NME6: variants seen among roughly 807,000 people sequenced by gnomAD.
The protein encoded by NME6 is NME/NM23 nucleoside diphosphate kinase 6, also known as nucleoside diphosphate kinase 6, mitochondrial.
A neutral mutation model predicts 22.2 loss-of-function variants in NME6; 16 were observed. The observed-to-expected ratio is 0.72, with a 90% CI of 0.49 to 1.09. The LOEUF is 1.09. Among genes scored for constraint, NME6 ranks in the 50% least tolerant of loss-of-function variants. The pLI is 0.00. For missense variants in NME6, 229 were observed against 239.0 expected (o/e 0.96, Z 0.28); for synonymous variants, 58 against 85.2 (o/e 0.68, Z 1.76).
chr3:48,288,053 T>C (rs1176366380), downstream of NME6, among the ~76,000 whole-genome samples: 1 of 152,042 alleles, frequency 6.6e-6, no homozygotes, highest in East Asian at 1.9e-4. Context: ...GACTATGACT[T>C]CAGAGTAAGA....
chr3:48,294,551 C>A lies in NME6; in HGVS notation c.*86G>T. On this transcript the variant is annotated 3_prime_UTR_variant, in exon 6 of 6. Transcript: ENST00000442597. ...TGCCCAGCAGAAATGGCACTGTAAG[C>A]CAGGCTTCCCTGGTCCTAGGAGAAT... The A allele has an allele frequency of 4.1e-6, 6 of 1,465,250 alleles. No homozygotes were observed. The highest frequency in any genetic ancestry group is 5.6e-6 in the Non-Finnish European group (6 of 1,069,844). 90.8% of individuals were successfully genotyped at this position (1,465,250 alleles called of 1,614,324 possible).
chr3:48,291,513 G>A (rs2034463392), downstream of NME6: 1 of 200,352 alleles, frequency 5.0e-6, no homozygotes, highest in Non-Finnish European at 1.0e-5. Flanking sequence ...CCAAGTAGCT[G>A]GGACACAAGC....
intron 1 of NME6, chr3:48,300,654 C>T (rs922432463): frequency 1.2e-5 from 3 of 251,320 alleles, no homozygotes; most frequent in African/African-American, 2.3e-5. Flanking sequence ...GGACATGGTT[C>T]CTTTACTAAC....
At chr3:48,289,533 A>G (rs1344902882), downstream of NME6, among the ~76,000 whole-genome samples, 2 of 152,084 alleles carry the variant, frequency 1.3e-5, no homozygotes, top group African/African-American at 4.8e-5. Flanking sequence ...CACACCGGAG[A>G]ATGATTTCAG....
At chr3:48,297,838 G>C (rs1338409569) in intron 2 of NME6, 1 of 155,790 alleles carries the variant, frequency 6.4e-6, no homozygotes, top group Non-Finnish European at 1.4e-5. Flanking sequence ...ATGCACTGCA[G>C]CTGTCTTGAA....
At position 48,301,236 on chromosome 3, in the gene NME6, T is replaced by C; in HGVS notation, c.-8+117A>G. On this transcript the variant is annotated intron_variant, in intron 1 of 5. Transcript: ENST00000442597. ...GGCCTCAACTCTCGACCCAGCCCCC[T>C]ACTTCTCTAGGCCTGCAACCGCGCA... is the stretch of plus-strand genomic sequence containing the variant. The C allele has an allele frequency of 2.6e-6, 4 of 1,547,256 alleles. No individual in the cohort carries two copies. In the South Asian group the frequency reaches 4.8e-5, roughly 18 times the overall value.
rs775180312 is a variant in NME6 at position 48,296,130 on chromosome 3, C to T, written c.222G>A (p.Glu74=). The T allele has an allele frequency of 1.9e-6, 3 of 1,612,570 alleles. No individual in the cohort carries two copies. The highest frequency in any genetic ancestry group is 1.3e-5 in the African/African-American group (1 of 74,906). ...CAAATTTGAAGTACCTGGCCATGAA[C>T]TCCACCAGCCTCTGATAGAAAAAAC... ...EGRFFYQRLV[E]FMASGPIRAY... The change falls in exon 4 of 6, where the codon GAG becomes GAA. Residue 74 remains glutamate (E), a synonymous_variant. Transcript: ENST00000442597.
downstream of NME6, chr3:48,291,161 C>T (rs546878792): frequency 2.2e-5 from 7 of 315,364 alleles, no homozygotes; most frequent in East Asian, 9.2e-5. Flanking sequence ...AAGTTGGTAA[C>T]GCTGGAATCA....
At chr3:48,295,892 T>G in intron 4 of NME6, 1 of 558,456 alleles carries the variant, frequency 1.8e-6, no homozygotes. Flanking sequence ...ATTTTTTGTA[T>G]TTTTAGTAGA....
rs35679809 is a variant in NME6 at position 48,299,577 on chromosome 3, G to GTATA, written c.-7-1058_-7-1055dup. Among the ~76,000 whole-genome samples, 46 of 151,198 alleles carry GTATA rather than the reference G, an allele frequency of 3.0e-4. No individual in the cohort carries two copies. The East Asian group carries it at 5.4e-3, about 18-fold the overall frequency. The stretch of plus-strand genomic sequence containing the variant: ...TACATATGTGTGTATGTGTGTGTGT[G>GTATA]TATATATATATAATATATATGTGTG... On this transcript the variant is annotated intron_variant, in intron 1 of 5. Transcript: ENST00000442597.
chr3:48,295,202 C>T lies in NME6; in HGVS notation c.267G>A (p.Lys89=), dbSNP rs1248290336. ...GPIRAYILAH[K]DAIQLWRTLM... ...GCGTCCTCCAGAGCTGGATGGCATC[C>T]TTGTGGGCAAGGATGTAGGCTCGGA... The change falls in exon 5 of 6, where the codon AAG becomes AAA. Residue 89 remains lysine, a synonymous_variant. Coordinates refer to ENST00000442597, the MANE Select transcript of NME6 (RefSeq NM_001308426.2). 2.5e-6 allele frequency: 4 copies of T among 1,614,090 alleles called. No homozygotes were observed. The highest frequency in any genetic ancestry group is 1.1e-5 in the South Asian group (1 of 91,076).
chr3:48,294,635 C>T lies in NME6; in HGVS notation c.*2G>A, dbSNP rs752476972. On this transcript the variant is annotated 3_prime_UTR_variant, in exon 6 of 6. Transcript: ENST00000442597. ...ACTACCACTGGTCTTCATAGACCTGCATCAGGCTGGTCCTAGGCCTCCTGT... is the reference window on the plus strand; with the variant it reads ...ACTACCACTGGTCTTCATAGACCTGTATCAGGCTGGTCCTAGGCCTCCTGT... The T allele has an allele frequency of 6.2e-7, 1 of 1,613,830 alleles. No individual in the cohort carries two copies. Among genetic ancestry groups the T allele is most frequent in the Non-Finnish European group, 8.5e-7 (1 of 1,179,848 alleles).
chr3:48,299,048 T>C, intron 1 of NME6: 7 of 700,280 alleles, frequency 1.0e-5, no homozygotes, highest in Non-Finnish European at 1.8e-5. Flanking sequence ...ACACCATCTC[T>C]ATTCTAATAT....
chr3:48,289,069 A>ATT (rs35823729), downstream of NME6, among the ~76,000 whole-genome samples: 38,818 of 148,130 alleles, frequency 0.26, 5,338 homozygotes, highest in Non-Finnish European at 0.3. Flanking sequence ...TTTAAAAATA[A>ATT]TTTTTTTTTT....
chr3:48,301,300 G>A, intron 1 of NME6, 53 bp downstream of exon 1: 1 of 1,598,486 alleles, frequency 6.3e-7, no homozygotes, highest in South Asian at 1.1e-5. Context: ...GCCCACCCCA[G>A]ATTCTGGGTC....
chr3:48,298,377 G>T, intron 2 of NME6, 50 bp downstream of exon 2: 1 of 1,506,942 alleles, frequency 6.6e-7, no homozygotes, highest in Non-Finnish European at 9.2e-7. Context: ...GGCACCTGAA[G>T]CAGTAGCAAT....
intron 5 of NME6, 122 bp from the exon 6 acceptor site, chr3:48,294,925 G>GA: frequency 1.4e-6 from 2 of 1,398,678 alleles, no homozygotes; most frequent in Non-Finnish European, 2.0e-6. Context: ...GGCATGTAAA[G>GA]AAAGTCCACA....
At chr3:48,295,411 C>T in intron 4 of NME6, 176 bp from the exon 5 acceptor site, 1 of 671,654 alleles carries the variant, frequency 1.5e-6, no homozygotes, top group South Asian at 2.1e-5. Context: ...GTACATCAAG[C>T]CTGCAGAGAT....
At chr3:48,295,470 G>GGACAGGTGCCT in intron 4 of NME6, 4 of 500,282 alleles carry the variant, frequency 8.0e-6, no homozygotes, top group Non-Finnish European at 3.5e-6. Flanking sequence ...AACCACCAGA[G>GGACAGGTGCCT]GACAGGTGCC....
Sources: allele counts gnomAD v4.1 joint callset (sites outside exome capture counted in the v4.1 genomes callset), GRCh38; gene constraint gnomAD v4.1.1; transcripts MANE v1.5; gene names NCBI Gene and HGNC (gene_info 2026-07-23, HGNC 2026-07-21).